ZNF407: variants seen among roughly 807,000 people sequenced by gnomAD.
The protein encoded by ZNF407 is zinc finger protein 407.
In ZNF407, 17 loss-of-function variants were observed where a neutral mutation model predicts 131.2. That is an observed-to-expected ratio of 0.13 (90% CI 0.09 to 0.19). The LOEUF is 0.19. Among genes scored for constraint, ZNF407 ranks in the 10% least tolerant of loss-of-function variants. The pLI, the probability that ZNF407 is intolerant of heterozygous loss-of-function variation, is 1.00. For synonymous variants in ZNF407, 1,156 were observed against 1,062.0 expected, an observed-to-expected ratio of 1.09 and a Z score of -1.72; for missense variants, 2,681 against 2,830.6, an observed-to-expected ratio of 0.95 and a Z score of 1.20.
At chr18:74,879,058 T>C (rs1971201362) in intron 5 of ZNF407, among the ~76,000 whole-genome samples, 1 of 152,128 alleles carries the variant, frequency 6.6e-6, no homozygotes, top group South Asian at 2.1e-4. Flanking sequence ...CATAGAAAAT[T>C]AATAATTTTG....
intron 7 of ZNF407, among the ~76,000 whole-genome samples, chr18:74,902,157 C>T (rs985646700): frequency 6.6e-5 from 10 of 152,160 alleles, no homozygotes; most frequent in African/African-American, 1.9e-4. Context: ...CTATCATGGA[C>T]GATACAGCAT....
intron 8 of ZNF407, among the ~76,000 whole-genome samples, chr18:75,013,502 G>T (rs563029275): frequency 1.3e-5 from 2 of 152,100 alleles, no homozygotes; most frequent in Admixed American, 1.3e-4. Flanking sequence ...GAAAAAACAT[G>T]TGGCTTGGTT....
At chr18:74,627,628 G>A (rs997390088) in intron 1 of ZNF407, among the ~76,000 whole-genome samples, 2 of 151,964 alleles carry the variant, frequency 1.3e-5, no homozygotes, top group African/African-American at 4.8e-5. Flanking sequence ...ACTGTGCCCA[G>A]CCAGAAGAGC....
rs1317889801 is a variant in ZNF407, at chr18:74,632,871, A to C, written c.1852A>C (p.Thr618Pro). 6.2e-7 allele frequency: 1 copy of C among 1,613,382 alleles called. No individual in the cohort carries two copies. Among genetic ancestry groups the C allele is most frequent in the East Asian group, 2.2e-5 (1 of 44,896 alleles). ...KEKHNMHFLC[T>P]PCNLFFLSEK... Reference sequence around the variant, plus strand: ...AAAGCACAATATGCATTTTCTTTGCACCCCTTGTAATCTGTTCTTTTTGTC... The same window carrying C: ...AAAGCACAATATGCATTTTCTTTGCCCCCCTTGTAATCTGTTCTTTTTGTC... The change falls in exon 2 of 9, where the codon ACC becomes CCC. Residue 618 changes from threonine to proline, a missense_variant. Thr to Pro is a conservative substitution (Grantham distance 38). Transcript: ENST00000299687.
chr18:74,927,963 C>A (rs1168313889), intron 8 of ZNF407, among the ~76,000 whole-genome samples: 1 of 151,932 alleles, frequency 6.6e-6, no homozygotes, highest in Admixed American at 6.6e-5. Flanking sequence ...TAAATTATTT[C>A]TATTATTTGT....
At chr18:74,760,072 C>T (rs908332155) in intron 3 of ZNF407, among the ~76,000 whole-genome samples, 1 of 152,006 alleles carries the variant, frequency 6.6e-6, no homozygotes, top group African/African-American at 2.4e-5. Flanking sequence ...ATCCCTTCCT[C>T]CTCAGAGTTT....
At chr18:74,908,789 G>A (rs572122087) in intron 7 of ZNF407, among the ~76,000 whole-genome samples, 3 of 152,048 alleles carry the variant, frequency 2.0e-5, no homozygotes, top group Non-Finnish European at 4.4e-5. Flanking sequence ...TTATATATTG[G>A]AGCACATTCT....
chr18:74,844,087 T>C (rs2145135300), intron 4 of ZNF407, among the ~76,000 whole-genome samples: 1 of 152,220 alleles, frequency 6.6e-6, no homozygotes, highest in East Asian at 1.9e-4. Context: ...CACGAAACAT[T>C]GTCAGCCGGC....
At chr18:74,823,559 A>G (rs905846035) in intron 4 of ZNF407, among the ~76,000 whole-genome samples, 20 of 152,216 alleles carry the variant, frequency 1.3e-4, no homozygotes, top group African/African-American at 4.3e-4. Flanking sequence ...AGGAGTTGCA[A>G]TTCTAATTTC....
At chr18:74,912,459 A>G (rs1176572714) in intron 7 of ZNF407, among the ~76,000 whole-genome samples, 2 of 152,208 alleles carry the variant, frequency 1.3e-5, no homozygotes, top group Non-Finnish European at 2.9e-5. Flanking sequence ...GAATACACAG[A>G]CAAGTATAAT....
chr18:74,792,528 C>A (rs1000637568), intron 4 of ZNF407, among the ~76,000 whole-genome samples: 1 of 149,586 alleles, frequency 6.7e-6, no homozygotes, highest in African/African-American at 2.5e-5. Flanking sequence ...TATGCCTTTG[C>A]CTTTTAAAAA....
intron 4 of ZNF407, among the ~76,000 whole-genome samples, chr18:74,812,697 C>T (rs1970214126): frequency 6.6e-6 from 1 of 152,180 alleles, no homozygotes; most frequent in Admixed American, 6.5e-5. Flanking sequence ...ACCTCTGCCT[C>T]ACCCTGTTCT....
intron 8 of ZNF407, among the ~76,000 whole-genome samples, chr18:74,983,401 T>C (rs573986689): frequency 4.2e-4 from 64 of 152,298 alleles, no homozygotes; most frequent in African/African-American, 1.3e-3. Flanking sequence ...CTTTGTAATT[T>C]CCCAAATGAA....
At chr18:74,623,232 G>A (rs963394033) in intron 1 of ZNF407, among the ~76,000 whole-genome samples, 5 of 151,756 alleles carry the variant, frequency 3.3e-5, no homozygotes, top group Admixed American at 6.6e-5. Context: ...GTGTGAGTGC[G>A]GGTGTTAGTG....
At chr18:75,028,373 A>C (rs556411327) in intron 8 of ZNF407, among the ~76,000 whole-genome samples, 2 of 151,984 alleles carry the variant, frequency 1.3e-5, no homozygotes, top group African/African-American at 4.8e-5. Context: ...CTTGTGTCCT[A>C]TGTGTTGATC....
rs1180791504 is a variant in ZNF407, at chr18:74,635,291, T to G, written c.4272T>G (p.Asp1424Glu). ...GTGATGATTGTGGCTTCTTAGCAGA[T>G]GGACTGAGTGGACTGAATGTTCACA... ...IRCDDCGFLA[D>E]GLSGLNVHIA... The change falls in exon 2 of 9, where the codon GAT becomes GAG. Residue 1424 changes from aspartate (D) to glutamate (E), a missense_variant. Around this residue, in one of 6 missense-constraint regions of ZNF407, gnomAD observed 1,789 missense variants for 1,748.7 expected, o/e 1.02. Coordinates refer to ENST00000299687, the MANE Select transcript of ZNF407 (RefSeq NM_017757.3). This position sits in a 1 kb window ranked among gnomAD's most constrained non-coding sequence, Gnocchi z 4.7. 1 of 1,614,054 alleles carries G rather than the reference T, an allele frequency of 6.2e-7. No individual in the cohort carries two copies. Among genetic ancestry groups the G allele is most frequent in the South Asian group, 1.1e-5 (1 of 91,086 alleles).
At chr18:74,778,391 A>G (rs1022840670) in intron 3 of ZNF407, among the ~76,000 whole-genome samples, 3 of 152,086 alleles carry the variant, frequency 2.0e-5, no homozygotes, top group African/African-American at 4.8e-5. Context: ...GAGCCACCCA[A>G]ATGTGGAATT....
chr18:74,695,311 T>C (rs1967324928), intron 3 of ZNF407, among the ~76,000 whole-genome samples: 1 of 152,214 alleles, frequency 6.6e-6, no homozygotes, highest in African/African-American at 2.4e-5. Context: ...GGTCTCATTG[T>C]TTCTTGATGG....
At chr18:74,767,820 A>ATTTTTTT (rs10692267) in intron 3 of ZNF407, among the ~76,000 whole-genome samples, 1 of 114,102 alleles carries the variant, frequency 8.8e-6, no homozygotes, top group Non-Finnish European at 1.7e-5. Flanking sequence ...CGCCTGGCTA[A>ATTTTTTT]TTTTTTTTTT....
Sources: gnomAD v4.1 joint callset for allele counts (sites outside exome capture counted in the v4.1 genomes callset) on GRCh38, gnomAD v4.1.1 for gene constraint, gnomAD v4.1.1 regional missense constraint, Gnocchi (gnomAD v3.1) non-coding constraint, MANE v1.5 for transcripts, NCBI Gene and HGNC (gene_info 2026-07-23, HGNC 2026-07-21) for gene names.